The following SH2D7 variants were observed in gnomAD, a reference collection of about 807,000 sequenced individuals.
SH2D7 encodes the protein SH2 domain-containing protein 7.
SH2D7 carries 32 observed loss-of-function variants against 40.8 expected under a neutral mutation model. The observed-to-expected ratio is 0.78, with a 90% confidence interval of 0.59 to 1.05. SH2D7 has a LOEUF of 1.05. Ranked by LOEUF, SH2D7 falls within the 50% of genes least tolerant of loss-of-function variation. The pLI is 0.00. For synonymous variants in SH2D7, 195 were observed against 221.5 expected (o/e 0.88, Z 1.06); for missense variants, 559 against 566.6 (o/e 0.99, Z 0.14).
Position 78,103,891 on chromosome 15 carries a change from G to C in SH2D7, c.*376G>C, listed in dbSNP as rs2074032874. 3 of 214,282 alleles carry C rather than the reference G, an allele frequency of 1.4e-5. No homozygotes were observed. The highest frequency in any genetic ancestry group is 2.8e-5 in the Non-Finnish European group (3 of 106,448). 13.3% of individuals were successfully genotyped at this position (214,282 alleles called of 1,614,324 possible). ...TGAGCACTTACCGAATGTGTGGCAG[G>C]CTGTGTGCTAGCACAGACACCTTTC... On this transcript the variant is annotated 3_prime_UTR_variant, in exon 6 of 6. Transcript: ENST00000328828.
chr15:78,091,867 G>A (rs2073942563), upstream of SH2D7, among the ~76,000 whole-genome samples: 1 of 152,178 alleles, frequency 6.6e-6, no homozygotes, highest in African/African-American at 2.4e-5. Flanking sequence ...CTCCTTCACT[G>A]TTCAGTGTCA....
At position 78,101,455 on chromosome 15, in the gene SH2D7, A is replaced by G; in HGVS notation, c.1202A>G (p.His401Arg). Residue 401 changes from histidine (H) to arginine (R), a missense_variant, in exon 5 of 6, where the codon CAT becomes CGT. By Grantham distance (29) the His-to-Arg change is conservative. Transcript: ENST00000328828. Reference sequence around the variant, plus strand: ...AGTCCCACATATAGCCCATGGGTCCATGGCTACAAGAGGATCTCAGGGACC... The same window carrying G: ...AGTCCCACATATAGCCCATGGGTCCGTGGCTACAAGAGGATCTCAGGGACC... ...GASPTYSPWV[H>R]GYKRISGTPE... 1.2e-6 allele frequency: 2 copies of G among 1,613,350 alleles called. No individual in the cohort carries two copies. The highest frequency in any genetic ancestry group is 1.6e-4 in the Middle Eastern group (1 of 6,062).
At chr15:78,100,057 G>A (rs1012713140) in intron 4 of SH2D7, among the ~76,000 whole-genome samples, 3 of 152,138 alleles carry the variant, frequency 2.0e-5, no homozygotes, top group African/African-American at 7.2e-5. Context: ...ACACTCCATT[G>A]TCTTGTGATA....
Position 78,098,433 on chromosome 15 carries a change from C to T in SH2D7, c.482C>T (p.Thr161Ile). 1 of 1,614,024 alleles carries T rather than the reference C, an allele frequency of 6.2e-7. No individual in the cohort carries two copies. Among genetic ancestry groups the T allele is most frequent in the Non-Finnish European group, 8.5e-7 (1 of 1,179,900 alleles). ...YDAITRGLHQ[T>I]IVDPENPPAT... ...GCCATCACCCGGGGCCTCCACCAGA[C>T]CATCGTGGACCCAGAAAACCCACCT... The change falls in exon 4 of 6, where the codon ACC (threonine) becomes ATC (isoleucine). Residue 161 changes from threonine (T) to isoleucine (I), a missense_variant. Physicochemically the swap from Thr to Ile is moderately conservative, Grantham distance 89 (BLOSUM62 -1). Transcript: ENST00000328828.
Position 78,103,961 on chromosome 15 carries a change from CA to C in SH2D7, c.*447del, listed in dbSNP as rs1403722716. On this transcript the variant is annotated 3_prime_UTR_variant, in exon 6 of 6. Transcript: ENST00000328828. ...ATGCAATTGCTACCGAGAACAAAAC[CA>C]GTTCCCCTCCTTGCGGCCCCATCAG... 1 of 154,350 alleles carries C rather than the reference CA, an allele frequency of 6.5e-6. No individual in the cohort carries two copies. The highest frequency in any genetic ancestry group is 1.9e-4 in the East Asian group (1 of 5,274). 9.6% of individuals were successfully genotyped at this position (154,350 alleles called of 1,614,324 possible). A position where few individuals can be genotyped will look rare whatever the true frequency, so the allele number is the denominator to read the frequency against.
chr15:78,101,708 AGTGGTG>A, intron 5 of SH2D7, 150 bp downstream of exon 5: 3 of 983,036 alleles, frequency 3.1e-6, no homozygotes, highest in Non-Finnish European at 4.3e-6. Flanking sequence ...TCTGCCTAGA[AGTGGTG>A]GTGGTGGTGG....
At chr15:78,096,660 A>ATT (rs112148755) in intron 2 of SH2D7, among the ~76,000 whole-genome samples, 3,774 of 145,858 alleles carry the variant, frequency 0.026, 73 homozygotes, top group African/African-American at 0.06. Flanking sequence ...GACACCGGCT[A>ATT]TTTTTTTTTT....
intron 3 of SH2D7, 35 bp from the exon 4 acceptor site, chr15:78,098,349 G>T (rs1276274202): frequency 6.5e-5 from 105 of 1,607,754 alleles, no homozygotes; most frequent in Non-Finnish European, 8.4e-5. Context: ...CTGGGCATGT[G>T]TGACCACATA....
At position 78,098,432 on chromosome 15, in the gene SH2D7, ACCATCGTGGACCCAGAAAAC is replaced by A. The variant is rs774593702; in HGVS notation, c.485_504del (p.Ile162ThrfsTer57). The A allele has an allele frequency of 1.2e-6, 2 of 1,613,828 alleles. No individual in the cohort carries two copies. The highest frequency in any genetic ancestry group is 8.5e-7 in the Non-Finnish European group (1 of 1,179,832). On this transcript the variant is annotated frameshift_variant, in exon 4 of 6. Transcript: ENST00000328828. LOFTEE classifies it high-confidence loss of function. Reference sequence around the variant, plus strand: ...TGCCATCACCCGGGGCCTCCACCAGACCATCGTGGACCCAGAAAACCCACCTGCCACGGCATTCCTCACAG... The same window carrying A: ...TGCCATCACCCGGGGCCTCCACCAGACCACCTGCCACGGCATTCCTCACAG...
chr15:78,092,862 T>TGCCTAGCCCA, intron 1 of SH2D7, 102 bp downstream of exon 1: 3 of 1,376,948 alleles, frequency 2.2e-6, no homozygotes, highest in Non-Finnish European at 2.9e-6. Flanking sequence ...ATCCTTTCCC[T>TGCCTAGCCCA]GGGCTAGGCA....
upstream of SH2D7, among the ~76,000 whole-genome samples, chr15:78,090,874 A>G (rs1308681157): frequency 6.6e-6 from 1 of 152,172 alleles, no homozygotes; most frequent in Non-Finnish European, 1.5e-5. Context: ...AGAAAAATGC[A>G]TGAACCATGA....
In SH2D7 at chr15:78,097,911, C is replaced by G. The variant is rs1020361972; in HGVS notation, c.267-18C>G. The G allele has an allele frequency of 1.2e-6, 2 of 1,611,494 alleles. No individual in the cohort carries two copies. The highest frequency in any genetic ancestry group is 2.7e-5 in the African/African-American group (2 of 74,916). On this transcript the variant is annotated intron_variant, in intron 2 of 5. Transcript: ENST00000328828. Reference sequence around the variant, plus strand: ...GCCTGTGACCAGCAGCCCCAGACCACAAGCACTTGTGTTGCAGGGGCAGTG... The same window carrying G: ...GCCTGTGACCAGCAGCCCCAGACCAGAAGCACTTGTGTTGCAGGGGCAGTG...
chr15:78,094,113 C>A lies in SH2D7; in HGVS notation c.178C>A (p.Gln60Lys), dbSNP rs1372759000. 5 of 1,605,818 alleles carry A rather than the reference C, an allele frequency of 3.1e-6. No homozygotes were observed. Among genetic ancestry groups the A allele is most frequent in the Non-Finnish European group, 4.2e-6 (5 of 1,176,554 alleles). ...PWFHGFITRKQTEQLLRDKAL... is the reference protein window; with the variant it reads ...PWFHGFITRKKTEQLLRDKAL... ...GCTAATGGCATGTCTTCTGCCCAGG[C>A]AGACGGAGCAGCTACTCAGGGACAA... Residue 60 changes from glutamine (Q) to lysine (K), a missense_variant and splice_region_variant, in exon 2 of 6, where the codon CAG (glutamine) becomes AAG (lysine). Coordinates refer to ENST00000328828, the MANE Select transcript of SH2D7 (RefSeq NM_001101404.2).
At chr15:78,091,657 T>A (rs2073941596), upstream of SH2D7, among the ~76,000 whole-genome samples, 1 of 152,230 alleles carries the variant, frequency 6.6e-6, no homozygotes, top group Non-Finnish European at 1.5e-5. Context: ...CCCATTGCCC[T>A]AACTGCTCCA....
chr15:78,097,663 T>C (rs2073981611), intron 2 of SH2D7, among the ~76,000 whole-genome samples: 1 of 152,192 alleles, frequency 6.6e-6, no homozygotes, highest in African/African-American at 2.4e-5. Flanking sequence ...CTCACTCCAG[T>C]CACAGCCGTG....
At chr15:78,102,139 T>C (rs572135749) in intron 5 of SH2D7, among the ~76,000 whole-genome samples, 2 of 152,024 alleles carry the variant, frequency 1.3e-5, no homozygotes, top group South Asian at 2.1e-4. Flanking sequence ...CTCAGCTACC[T>C]GGGGGGCAGA....
At chr15:78,094,516 G>T (rs1221900344) in intron 2 of SH2D7, among the ~76,000 whole-genome samples, 3 of 152,196 alleles carry the variant, frequency 2.0e-5, no homozygotes, top group Non-Finnish European at 2.9e-5. Context: ...GTTTAGGAGG[G>T]TATCTCTGGT....
rs1219284812 is a variant in SH2D7, at chr15:78,094,122, C to A, written c.187C>A (p.Gln63Lys). The A allele has an allele frequency of 1.2e-6, 2 of 1,607,994 alleles. No homozygotes were observed. Among genetic ancestry groups the A allele is most frequent in the Non-Finnish European group, 1.7e-6 (2 of 1,177,536 alleles). Residue 63 changes from glutamine to lysine, a missense_variant, in exon 2 of 6, where the codon CAG becomes AAG. Coordinates refer to ENST00000328828, the MANE Select transcript of SH2D7 (RefSeq NM_001101404.2). ...HGFITRKQTE[Q>K]LLRDKALGSF... ...ATGTCTTCTGCCCAGGCAGACGGAG[C>A]AGCTACTCAGGGACAAAGCTCTTGG...
chr15:78,092,891 G>A (rs1213906548), intron 1 of SH2D7, 131 bp downstream of exon 1: 3 of 1,219,700 alleles, frequency 2.5e-6, no homozygotes, highest in Non-Finnish European at 3.3e-6. Context: ...TGGAGGCGGG[G>A]GGCAGGGGAA....
Sources: allele counts gnomAD v4.1 joint callset (sites outside exome capture counted in the v4.1 genomes callset), GRCh38; gene constraint gnomAD v4.1.1; transcripts MANE v1.5; gene names NCBI Gene and HGNC (gene_info 2026-07-23, HGNC 2026-07-21).